WWOX: variants seen among roughly 807,000 people sequenced by gnomAD.
The protein encoded by WWOX is WW domain containing oxidoreductase.
WWOX carries 69 observed loss-of-function variants against 46.2 expected under a neutral mutation model. That is an observed-to-expected ratio of 1.49 (90% CI 1.23 to 1.82). WWOX has a LOEUF of 1.82. Ranked by LOEUF, WWOX falls within the 40% of genes most tolerant of loss-of-function variation. WWOX has a pLI of 0.00. For missense variants in WWOX, 919 were observed against 542.6 expected (o/e 1.69, Z -6.89); for synonymous variants, 359 against 202.6 (o/e 1.77, Z -6.56).
chr16:78,296,838 G>C (rs2079950734), intron 5 of WWOX, among the ~76,000 whole-genome samples: 1 of 152,182 alleles, frequency 6.6e-6, no homozygotes, highest in African/African-American at 2.4e-5. Flanking sequence ...AGAGCTCTGG[G>C]TCTCGTTCGG....
At chr16:78,662,723 T>A (rs1220013824) in intron 8 of WWOX, among the ~76,000 whole-genome samples, 1 of 152,194 alleles carries the variant, frequency 6.6e-6, no homozygotes, top group Non-Finnish European at 1.5e-5. Flanking sequence ...AGGGTGGTCA[T>A]TGACTGGGGC....
intron 8 of WWOX, among the ~76,000 whole-genome samples, chr16:79,130,333 A>G (rs2049850696): frequency 1.3e-5 from 2 of 152,210 alleles, no homozygotes; most frequent in Admixed American, 1.3e-4. Context: ...ATAATTAAAT[A>G]TAAAATAACA....
chr16:79,081,595 C>A (rs911210873), intron 8 of WWOX, among the ~76,000 whole-genome samples: 1 of 152,210 alleles, frequency 6.6e-6, no homozygotes, highest in Non-Finnish European at 1.5e-5. Flanking sequence ...TCTTTACTCT[C>A]TTTGAGCCTT....
chr16:78,958,080 G>C (rs2046204241), intron 8 of WWOX, among the ~76,000 whole-genome samples: 1 of 152,106 alleles, frequency 6.6e-6, no homozygotes, highest in African/African-American at 2.4e-5. Context: ...CCTGGGTCTT[G>C]GAATCTGAGC....
intron 8 of WWOX, among the ~76,000 whole-genome samples, chr16:78,791,238 A>G (rs1028976583): frequency 1.3e-5 from 2 of 151,842 alleles, no homozygotes; most frequent in Admixed American, 6.6e-5. Flanking sequence ...AACTCATGGG[A>G]AGCAAACACA....
chr16:78,849,344 G>T (rs572230938), intron 8 of WWOX, among the ~76,000 whole-genome samples: 1 of 150,884 alleles, frequency 6.6e-6, no homozygotes, highest in African/African-American at 2.4e-5. Flanking sequence ...GCCGAGGCGG[G>T]GGGGATCACG....
chr16:78,227,405 C>T lies in WWOX; in HGVS notation c.516+63116C>T, dbSNP rs113378527. On this transcript the variant is annotated intron_variant, in intron 5 of 8. Coordinates refer to ENST00000566780, the MANE Select transcript of WWOX (RefSeq NM_016373.4). ...CCTTTCCATTGGAACACATGGGGACCGAGGGAATAAAGAATGTTTTCATCT... is the reference window on the plus strand; with the variant it reads ...CCTTTCCATTGGAACACATGGGGACTGAGGGAATAAAGAATGTTTTCATCT... Among the ~76,000 whole-genome samples the T allele has an allele frequency of 9.1e-3, 1,384 of 152,154 alleles. 15 individuals are homozygous for T. The highest frequency in any genetic ancestry group is 0.015 in the Non-Finnish European group (1,003 of 68,022).
chr16:78,765,418 C>A (rs1346637702), intron 8 of WWOX, among the ~76,000 whole-genome samples: 3 of 152,160 alleles, frequency 2.0e-5, no homozygotes, highest in Non-Finnish European at 4.4e-5. Flanking sequence ...GTGGCTCATA[C>A]TTATAATCCC....
chr16:79,210,489 C>T (rs2051690651), intron 8 of WWOX, among the ~76,000 whole-genome samples: 3 of 152,176 alleles, frequency 2.0e-5, no homozygotes, highest in African/African-American at 7.2e-5. Context: ...ATTTCCCCCA[C>T]AATCAAAGTT....
chr16:79,046,456 T>G (rs2048066999), intron 8 of WWOX, among the ~76,000 whole-genome samples: 1 of 152,206 alleles, frequency 6.6e-6, no homozygotes, highest in Non-Finnish European at 1.5e-5. Context: ...TTCTGGAGAC[T>G]GGGAAGTCTA....
chr16:78,446,290 C>T (rs74030263), intron 8 of WWOX, among the ~76,000 whole-genome samples: 10 of 152,052 alleles, frequency 6.6e-5, no homozygotes, highest in Admixed American at 4.6e-4. Context: ...AAAGAGCATG[C>T]GCTTTTGACT....
intron 8 of WWOX, among the ~76,000 whole-genome samples, chr16:79,039,756 C>G (rs1010629734): frequency 3.3e-5 from 5 of 152,196 alleles, no homozygotes; most frequent in African/African-American, 1.2e-4. Flanking sequence ...TTCAGTGGCT[C>G]TGACTTCAGT....
intron 8 of WWOX, among the ~76,000 whole-genome samples, chr16:78,948,200 G>C (rs193137489): frequency 1.3e-5 from 2 of 152,314 alleles, no homozygotes; most frequent in East Asian, 3.9e-4. Flanking sequence ...TAGAAATGCA[G>C]ACTTGCTCAA....
chr16:78,157,543 A>G (rs1230845789), intron 4 of WWOX, among the ~76,000 whole-genome samples: 1 of 152,246 alleles, frequency 6.6e-6, no homozygotes, highest in African/African-American at 2.4e-5. Flanking sequence ...GGTGTTAAAT[A>G]CTTCAGGTTT....
intron 8 of WWOX, among the ~76,000 whole-genome samples, chr16:78,868,935 G>A (rs569186682): frequency 5.9e-5 from 9 of 151,948 alleles, no homozygotes; most frequent in Admixed American, 3.3e-4. Flanking sequence ...ACACACCTGC[G>A]TGCAAACGTC....
chr16:78,760,774 G>C (rs1126186), intron 8 of WWOX, among the ~76,000 whole-genome samples: 4,175 of 152,286 alleles, frequency 0.027, 107 homozygotes, highest in African/African-American at 0.062. Flanking sequence ...GGCTGCATTA[G>C]TCTGTTTTCA....
chr16:78,645,337 T>C lies in WWOX; in HGVS notation c.1056+212585T>C, dbSNP rs546745550. The stretch of plus-strand genomic sequence containing the variant: ...CAATGCTTTAACAAATGACCACCCA[T>C]GGGTGGCTTACATACCATGAATGTC... On this transcript the variant is annotated intron_variant, in intron 8 of 8. Transcript: ENST00000566780. 3.3e-5 allele frequency among the ~76,000 whole-genome samples: 5 copies of C among 152,236 alleles called. No homozygotes were observed. The East Asian group carries it at 9.7e-4, about 29-fold the overall frequency.
chr16:78,118,040 T>C (rs2032894016), intron 4 of WWOX, among the ~76,000 whole-genome samples: 1 of 145,610 alleles, frequency 6.9e-6, no homozygotes, highest in East Asian at 2.1e-4. Flanking sequence ...TTTCTTTCTT[T>C]CTTTCTTTTT....
intron 8 of WWOX, 149 bp downstream of exon 8, chr16:78,432,901 TTCA>T: frequency 7.9e-7 from 1 of 1,266,704 alleles, no homozygotes. Flanking sequence ...TGAACACATT[TTCA>T]TCAACTTTAG....
Sources: allele counts gnomAD v4.1 joint callset (sites outside exome capture counted in the v4.1 genomes callset), GRCh38; gene constraint gnomAD v4.1.1; transcripts MANE v1.5; gene names NCBI Gene and HGNC (gene_info 2026-07-23, HGNC 2026-07-21).